Variants in LYN observed in about 807,000 individuals in gnomAD.
LYN encodes the protein tyrosine-protein kinase Lyn.
LYN carries 12 observed loss-of-function variants against 65.0 expected under a neutral mutation model. The observed-to-expected ratio is 0.18, with a 90% CI of 0.12 to 0.30. LYN has a LOEUF of 0.30. LYN is among the 10% of genes least tolerant of loss of function. The pLI is 1.00. For synonymous variants in LYN, 222 were observed against 221.2 expected (o/e 1.00, Z -0.03); for missense variants, 380 against 623.2 (o/e 0.61, Z 4.16).
At chr8:55,888,370 A>G (rs1162382505) in intron 1 of LYN, among the ~76,000 whole-genome samples, 1 of 152,180 alleles carries the variant, frequency 6.6e-6, no homozygotes, top group Admixed American at 6.5e-5. Context: ...CTTGGCCCTA[A>G]TACTAAATGT....
intron 10 of LYN, among the ~76,000 whole-genome samples, chr8:55,978,079 G>A (rs1240858538): frequency 6.6e-6 from 1 of 152,182 alleles, no homozygotes; most frequent in Admixed American, 6.5e-5. Flanking sequence ...TTCAGCCCAA[G>A]TCTGGAGATA....
chr8:56,001,973 A>C (rs966607541), intron 12 of LYN, among the ~76,000 whole-genome samples: 5 of 152,102 alleles, frequency 3.3e-5, no homozygotes, highest in Non-Finnish European at 7.4e-5. Context: ...ATTTGGGGTG[A>C]AAAATCATTT....
chr8:55,977,751 CAAAAA>C (rs35305537), intron 10 of LYN, among the ~76,000 whole-genome samples: 1 of 117,636 alleles, frequency 8.5e-6, no homozygotes, highest in Admixed American at 9.0e-5. Flanking sequence ...CTATCTCTAC[CAAAAA>C]AAAAAAAAAA....
chr8:55,990,101 T>C (rs990784896), intron 10 of LYN, among the ~76,000 whole-genome samples: 2 of 151,950 alleles, frequency 1.3e-5, no homozygotes, highest in African/African-American at 4.8e-5. Flanking sequence ...TAGCCAGGCA[T>C]GGTGGCGGAC....
rs762013066 is a variant in LYN, at chr8:55,966,812, C to T, written c.888C>T (p.Thr296=). The T allele has an allele frequency of 9.3e-6, 15 of 1,613,954 alleles. 1 individual carries two copies. The South Asian group carries it at 1.2e-4, about 13-fold the overall frequency. Residue 296 remains threonine, a synonymous_variant, in exon 9 of 13, where the codon ACC becomes ACT. Transcript: ENST00000519728. ...AFLEEANLMK[T]LQHDKLVRLY... is the part of the protein sequence containing the mutation. ...TGGAAGAAGCCAACCTCATGAAGACCCTGCAGCATGACAAGCTCGTGAGGC... is the reference window on the plus strand; with the variant it reads ...TGGAAGAAGCCAACCTCATGAAGACTCTGCAGCATGACAAGCTCGTGAGGC...
rs1479893216 is a variant in LYN at position 56,011,515 on chromosome 8, C to T, written c.*1405C>T. The T allele has an allele frequency of 1.5e-5, 3 of 194,564 alleles. No individual in the cohort carries two copies. The highest frequency in any genetic ancestry group is 3.2e-5 in the Non-Finnish European group (3 of 93,648). The allele number at this position is 194,564 out of a possible 1,614,324, so 12.1% of individuals were successfully genotyped here. A position where few individuals can be genotyped will look rare whatever the true frequency, so the allele number is the denominator to read the frequency against. On this transcript the variant is annotated 3_prime_UTR_variant, in exon 13 of 13. Coordinates refer to ENST00000519728, the MANE Select transcript of LYN (RefSeq NM_002350.4). ...AAACTTGCCCAAGTTCTACCTCCTT[C>T]CTTTGAACATTTCAGATTGGAGAAC...
chr8:55,933,905 C>T (rs1335643255), intron 1 of LYN, among the ~76,000 whole-genome samples: 1 of 152,322 alleles, frequency 6.6e-6, no homozygotes, highest in East Asian at 1.9e-4. Flanking sequence ...CTACCTACGG[C>T]TGTGCTTATG....
chr8:55,966,289 T>C (rs1462351269), intron 8 of LYN, among the ~76,000 whole-genome samples: 1 of 152,208 alleles, frequency 6.6e-6, no homozygotes, highest in African/African-American at 2.4e-5. Context: ...ATTTTATCAC[T>C]ACATAGTGTT....
At position 55,972,742 on chromosome 8, in the gene LYN, C is replaced by T. The variant is rs146648414; in HGVS notation, c.1050+2949C>T. On this transcript the variant is annotated intron_variant, in intron 10 of 12. Coordinates refer to ENST00000519728, the MANE Select transcript of LYN (RefSeq NM_002350.4). ...TAGAATTATTATTAAAGCTGCCCCA[C>T]GGTGACAGAGATCCCTGGGGCCCAG... 2.4e-4 allele frequency among the ~76,000 whole-genome samples: 37 copies of T among 152,308 alleles called. 1 individual carries two copies. The highest frequency in any genetic ancestry group is 3.4e-3 in the Middle Eastern group (1 of 294).
chr8:56,008,502 T>C (rs1489906092), intron 12 of LYN, among the ~76,000 whole-genome samples: 1 of 152,240 alleles, frequency 6.6e-6, no homozygotes, highest in African/African-American at 2.4e-5. Flanking sequence ...CCATGAAATA[T>C]GCAAAACATA....
At chr8:55,978,210 G>T (rs1807810647) in intron 10 of LYN, among the ~76,000 whole-genome samples, 1 of 152,174 alleles carries the variant, frequency 6.6e-6, no homozygotes, top group African/African-American at 2.4e-5. Flanking sequence ...ATTTCAGCAG[G>T]AATGTGATAG....
chr8:55,973,282 G>T (rs1807661127), intron 10 of LYN, among the ~76,000 whole-genome samples: 1 of 152,182 alleles, frequency 6.6e-6, no homozygotes, highest in South Asian at 2.1e-4. Flanking sequence ...AATGAGTTCT[G>T]AAAGACTTGT....
chr8:56,004,092 C>A (rs1267711758), intron 12 of LYN, among the ~76,000 whole-genome samples: 1 of 151,184 alleles, frequency 6.6e-6, no homozygotes, highest in Non-Finnish European at 1.5e-5. Context: ...GCCACCATGC[C>A]CAGCTAATTT....
intron 1 of LYN, among the ~76,000 whole-genome samples, chr8:55,890,231 G>C (rs1351361749): frequency 6.6e-6 from 1 of 151,844 alleles, no homozygotes; most frequent in African/African-American, 2.4e-5. Flanking sequence ...AGGATTGCTT[G>C]AGCCCAGGAG....
intron 10 of LYN, among the ~76,000 whole-genome samples, chr8:55,992,581 C>T (rs1330048732): frequency 8.5e-5 from 13 of 152,198 alleles, no homozygotes; most frequent in Admixed American, 8.5e-4. Flanking sequence ...TGGACTTCCT[C>T]CCCAACCATT....
intron 1 of LYN, among the ~76,000 whole-genome samples, chr8:55,916,864 A>AT (rs200330540): frequency 0.01 from 1,542 of 151,054 alleles, 21 homozygotes; most frequent in Non-Finnish European, 0.013. Flanking sequence ...TGAGACTGCT[A>AT]TTTTTTTTTC....
At chr8:55,927,304 T>C (rs1806134263) in intron 1 of LYN, among the ~76,000 whole-genome samples, 1 of 152,224 alleles carries the variant, frequency 6.6e-6, no homozygotes, top group Non-Finnish European at 1.5e-5. Flanking sequence ...TCCATAGTTT[T>C]ACCTTTTCCA....
intron 10 of LYN, among the ~76,000 whole-genome samples, chr8:55,988,496 C>A (rs1808147629): frequency 6.6e-6 from 1 of 152,054 alleles, no homozygotes; most frequent in Admixed American, 6.6e-5. Flanking sequence ...ATTTTATAGG[C>A]ATCCTAGGGC....
At chr8:55,941,770 C>T (rs1806619599) in intron 1 of LYN, 85 bp from the exon 2 acceptor site, 1 of 926,066 alleles carries the variant, frequency 1.1e-6, no homozygotes, top group Non-Finnish European at 1.7e-6. Flanking sequence ...TATATTTTTT[C>T]TACTCTTTTT....
Sources: allele counts gnomAD v4.1 joint callset (sites outside exome capture counted in the v4.1 genomes callset), GRCh38; gene constraint gnomAD v4.1.1; transcripts MANE v1.5; gene names NCBI Gene and HGNC (gene_info 2026-07-23, HGNC 2026-07-21).